The following AFF1 variants were observed in gnomAD, a reference collection of about 807,000 sequenced individuals.
AFF1 encodes the protein AF4/FMR2 family member 1.
Under a neutral mutation model 121.7 loss-of-function variants are expected in AFF1, and 48 were observed. The ratio of observed to expected loss-of-function variants is 0.39; its 90% CI spans 0.31 to 0.50. The LOEUF is 0.50. AFF1 is among the 20% of genes least tolerant of loss of function. AFF1 has a pLI of 0.76. For missense variants in AFF1, 1,523 were observed against 1,511.7 expected (o/e 1.01, Z -0.12); for synonymous variants, 613 against 563.0 (o/e 1.09, Z -1.26).
chr4:87,047,044 G>A lies in AFF1; in HGVS notation c.509G>A (p.Arg170His), dbSNP rs775997087. Residue 170 changes from arginine (R) to histidine (H), a missense_variant, in exon 4 of 21, where the codon CGC becomes CAC. Physicochemically the swap from Arg to His is conservative, Grantham distance 29. This residue lies in a region of AFF1 where 369 missense variants were observed against 367.2 expected (regional missense o/e 1.00). Coordinates refer to ENST00000395146, the MANE Select transcript of AFF1 (RefSeq NM_001166693.3). ...GACAGCCAGCACCTGACCCAGGATC[G>A]CCTTGGTCAGGAGGGGTTCGGCTCT... The part of the protein sequence containing the change: ...PPDSQHLTQD[R>H]LGQEGFGSSH... 3.7e-6 allele frequency: 6 copies of A among 1,614,174 alleles called. No individual in the cohort carries two copies. Among genetic ancestry groups the A allele is most frequent in the South Asian group, 3.3e-5 (3 of 91,074 alleles).
intron 2 of AFF1, among the ~76,000 whole-genome samples, chr4:86,968,421 G>A (rs1219971059): frequency 1.3e-5 from 2 of 152,028 alleles, no homozygotes; most frequent in Non-Finnish European, 2.9e-5. Context: ...CTGGATTTAG[G>A]ATGTAGTTTT....
intron 2 of AFF1, among the ~76,000 whole-genome samples, chr4:86,988,244 C>T (rs193195904): frequency 2.0e-5 from 3 of 152,090 alleles, no homozygotes; most frequent in Non-Finnish European, 4.4e-5. Context: ...ACTATAGTCA[C>T]CCTACTGTGC....
intron 8 of AFF1, among the ~76,000 whole-genome samples, chr4:87,098,334 A>G (rs976809424): frequency 3.3e-5 from 5 of 152,222 alleles, no homozygotes; most frequent in Non-Finnish European, 7.3e-5. Flanking sequence ...CTAGGATGTT[A>G]GTGCAATTTG....
Position 87,136,792 on chromosome 4 carries a change from ATATTT to A in AFF1, c.*1095_*1099del, listed in dbSNP as rs1353424171. On this transcript the variant is annotated 3_prime_UTR_variant, in exon 21 of 21. Coordinates refer to ENST00000395146, the MANE Select transcript of AFF1 (RefSeq NM_001166693.3). ...GAGAGGCTATATTTTTCTGCTACAA[ATATTT>A]TATATTTATAGCAAAACTAGACTTT... 3 of 222,828 alleles carry A rather than the reference ATATTT, an allele frequency of 1.3e-5. No homozygotes were observed. The highest frequency in any genetic ancestry group is 6.7e-5 in the African/African-American group (3 of 44,696). The allele number at this position is 222,828 out of a possible 1,614,324, so 13.8% of individuals were successfully genotyped here. A position where few individuals can be genotyped will look rare whatever the true frequency, so the allele number is the denominator to read the frequency against.
chr4:86,979,824 T>TATTA (rs111971180), intron 2 of AFF1, among the ~76,000 whole-genome samples: 6,380 of 152,294 alleles, frequency 0.042, 433 homozygotes, highest in African/African-American at 0.15. Flanking sequence ...ACTATGACTG[T>TATTA]ATTAGGAGAA....
chr4:87,040,062 T>C (rs1729974902), intron 2 of AFF1, among the ~76,000 whole-genome samples: 1 of 152,108 alleles, frequency 6.6e-6, no homozygotes, highest in Non-Finnish European at 1.5e-5. Flanking sequence ...CGGTTAATTT[T>C]TGTATTTTTA....
chr4:86,965,743 C>T (rs1223780145), intron 2 of AFF1, among the ~76,000 whole-genome samples: 1 of 152,060 alleles, frequency 6.6e-6, no homozygotes, highest in East Asian at 1.9e-4. Flanking sequence ...TTGCATACGC[C>T]TTCCCTTCTC....
At chr4:86,966,059 TCTTTC>T (rs1369154090) in intron 2 of AFF1, among the ~76,000 whole-genome samples, 11 of 151,442 alleles carry the variant, frequency 7.3e-5, no homozygotes, top group African/African-American at 2.0e-4. Flanking sequence ...GTTTCTTTTT[TCTTTC>T]CTTTTTTTTT....
intron 1 of AFF1, among the ~76,000 whole-genome samples, chr4:86,943,328 A>G (rs540422421): frequency 1.2e-4 from 19 of 152,186 alleles, no homozygotes; most frequent in Non-Finnish European, 2.4e-4. Context: ...CCAGGGGTAG[A>G]TCTCTCTACT....
At chr4:87,091,771 G>T (rs1724338910) in intron 6 of AFF1, 22 bp from the exon 7 acceptor site, 1 of 1,465,706 alleles carries the variant, frequency 6.8e-7, no homozygotes, top group Non-Finnish European at 9.2e-7. Flanking sequence ...TTAATAATTA[G>T]ATATTTTTAT....
intron 4 of AFF1, among the ~76,000 whole-genome samples, chr4:87,062,471 T>A (rs1290651519): frequency 2.0e-5 from 3 of 152,172 alleles, no homozygotes; most frequent in Non-Finnish European, 4.4e-5. Context: ...ATAGGAACTT[T>A]GGAGAGACAC....
chr4:86,983,352 C>A (rs1245637294), intron 2 of AFF1, among the ~76,000 whole-genome samples: 1 of 152,016 alleles, frequency 6.6e-6, no homozygotes, highest in African/African-American at 2.4e-5. Context: ...CATGGAGAAA[C>A]CTCGTCTCTA....
intron 4 of AFF1, among the ~76,000 whole-genome samples, chr4:87,052,367 A>G (rs1371087489): frequency 6.6e-6 from 1 of 152,120 alleles, no homozygotes; most frequent in Non-Finnish European, 1.5e-5. Context: ...GAGTTGAGAT[A>G]CTGCCACTGA....
chr4:87,108,413 A>C, intron 11 of AFF1, 98 bp downstream of exon 11: 1 of 1,345,794 alleles, frequency 7.4e-7, no homozygotes, highest in East Asian at 2.5e-5. Context: ...CATGAGACTG[A>C]GTCATTCTGT....
intron 7 of AFF1, among the ~76,000 whole-genome samples, chr4:87,093,871 C>G (rs1044675460): frequency 3.9e-5 from 6 of 152,160 alleles, no homozygotes; most frequent in African/African-American, 1.4e-4. Context: ...TACCTCATGT[C>G]TAGACAAATG....
intron 2 of AFF1, among the ~76,000 whole-genome samples, chr4:86,984,353 A>T: frequency 8.1e-6 from 1 of 123,648 alleles, no homozygotes; most frequent in Non-Finnish European, 1.6e-5. Flanking sequence ...TTTGTGACTG[A>T]GTCTTGCTCT....
chr4:87,044,809 GTGAC>G (rs1225161434), intron 2 of AFF1, among the ~76,000 whole-genome samples: 4 of 152,180 alleles, frequency 2.6e-5, no homozygotes, highest in African/African-American at 4.8e-5. Flanking sequence ...GGGGATGGAC[GTGAC>G]TGACTGACTG....
chr4:87,006,931 C>T (rs1231245057), intron 2 of AFF1: 2 of 1,017,000 alleles, frequency 2.0e-6, no homozygotes, highest in African/African-American at 3.4e-5. Flanking sequence ...CGTACCACCG[C>T]AACTTTCTTG....
chr4:87,091,371 C>G (rs973788363), intron 6 of AFF1, among the ~76,000 whole-genome samples: 1 of 152,166 alleles, frequency 6.6e-6, no homozygotes, highest in Non-Finnish European at 1.5e-5. Flanking sequence ...CCACTGCACT[C>G]CAGCCTGGGG....
Sources: gnomAD v4.1 joint callset for allele counts (sites outside exome capture counted in the v4.1 genomes callset) on GRCh38, gnomAD v4.1.1 for gene constraint, gnomAD v4.1.1 regional missense constraint, MANE v1.5 for transcripts, NCBI Gene and HGNC (gene_info 2026-07-23, HGNC 2026-07-21) for gene names.